The following TMOD1 variants were observed in gnomAD, a reference collection of about 807,000 sequenced individuals.
The protein encoded by TMOD1 is tropomodulin-1.
A neutral mutation model predicts 40.6 loss-of-function variants in TMOD1; 17 were observed. That is an observed-to-expected ratio of 0.42 (90% confidence interval 0.29 to 0.63). The LOEUF (loss-of-function observed/expected upper bound fraction) is 0.63. Ranked by LOEUF, TMOD1 falls within the 20% of genes least tolerant of loss-of-function variation. The probability of loss-of-function intolerance (pLI) is 0.22; values close to 1 mark genes in which losing one functional copy is unlikely to be tolerated. For missense variants in TMOD1, 391 were observed against 447.6 expected (o/e 0.87, Z 1.14); for synonymous variants, 181 against 175.0 (o/e 1.03, Z -0.27).
At chr9:97,524,040 C>A in intron 1 of TMOD1, 101 bp from the exon 2 acceptor site, 2 of 809,782 alleles carry the variant, frequency 2.5e-6, no homozygotes, top group Non-Finnish European at 3.8e-6. Context: ...CCTGGCAATT[C>A]ATAAAATGTA....
intron 8 of TMOD1, among the ~76,000 whole-genome samples, chr9:97,582,427 G>A (rs554441547): frequency 1.3e-5 from 2 of 148,298 alleles, no homozygotes; most frequent in South Asian, 4.3e-4. Context: ...TTGAAGTCAG[G>A]TAGTGTGATG....
Position 97,553,303 on chromosome 9 carries a change from G to A in TMOD1, c.300G>A (p.Gln100=), listed in dbSNP as rs748507272. 5.6e-6 allele frequency: 9 copies of A among 1,614,188 alleles called. No individual in the cohort carries two copies. In the East Asian group the frequency reaches 2.0e-4, roughly 36 times the overall value. ...CAGGAAAGGTCTGGGTTCCTAAGCA[G>A]AAGCCACTGGATCCTGTGCTGGAAA... ...EKRGKVWVPK[Q]KPLDPVLESV... Residue 100 remains glutamine, a synonymous_variant, in exon 4 of 10, where the codon CAG becomes CAA. Coordinates refer to ENST00000259365, the MANE Select transcript of TMOD1 (RefSeq NM_003275.4).
intron 2 of TMOD1, 94 bp downstream of exon 2, chr9:97,524,402 C>T (rs1829967366): frequency 4.1e-6 from 6 of 1,456,202 alleles, no homozygotes; most frequent in Non-Finnish European, 3.7e-6. Flanking sequence ...TTCCTTTTTC[C>T]TTCCATGGCA....
At chr9:97,588,174 CTG>C (rs1563999920) in intron 8 of TMOD1, among the ~76,000 whole-genome samples, 1 of 152,212 alleles carries the variant, frequency 6.6e-6, no homozygotes, top group African/African-American at 2.4e-5. Flanking sequence ...AACTGACAAA[CTG>C]TCTTTCAAAG....
At chr9:97,568,732 C>A (rs559050147) in intron 7 of TMOD1, among the ~76,000 whole-genome samples, 162 bp from the exon 8 acceptor site, 1 of 152,084 alleles carries the variant, frequency 6.6e-6, no homozygotes, top group African/African-American at 2.4e-5. Flanking sequence ...GGAGCCATGG[C>A]GGGTTGCAGG....
intron 7 of TMOD1, among the ~76,000 whole-genome samples, chr9:97,567,512 A>C (rs1309796111): frequency 6.6e-6 from 1 of 152,236 alleles, no homozygotes; most frequent in South Asian, 2.1e-4. Flanking sequence ...ACCTGGCAAG[A>C]CAGGGCCTCC....
At chr9:97,564,558 C>CG (rs1249199603) in intron 6 of TMOD1, among the ~76,000 whole-genome samples, 1 of 152,170 alleles carries the variant, frequency 6.6e-6, no homozygotes, top group African/African-American at 2.4e-5. Flanking sequence ...CCACTAGGCT[C>CG]GGGGGTAACA....
intron 8 of TMOD1, among the ~76,000 whole-genome samples, chr9:97,574,467 G>A (rs991741015): frequency 6.6e-6 from 1 of 152,214 alleles, no homozygotes; most frequent in African/African-American, 2.4e-5. Context: ...CCCACGCCGT[G>A]GTCTCCTGAG....
chr9:97,558,941 T>G (rs1233497435), intron 4 of TMOD1, among the ~76,000 whole-genome samples: 2 of 152,160 alleles, frequency 1.3e-5, no homozygotes, highest in Non-Finnish European at 2.9e-5. Context: ...CAGCCTGAAA[T>G]GCAGGTCTGC....
chr9:97,588,632 TA>T (rs1825931471), intron 8 of TMOD1, among the ~76,000 whole-genome samples: 2 of 152,166 alleles, frequency 1.3e-5, no homozygotes, highest in African/African-American at 4.8e-5. Context: ...TTGATTCTTT[TA>T]ATCAATTTGG....
chr9:97,597,696 CA>C (rs56273168), intron 9 of TMOD1, among the ~76,000 whole-genome samples: 48 of 70,000 alleles, frequency 6.9e-4, no homozygotes, highest in African/African-American at 2.1e-3. Flanking sequence ...GACTCCGTCT[CA>C]AAAAAAAAAA....
chr9:97,598,180 T>C (rs1400906725), intron 9 of TMOD1, among the ~76,000 whole-genome samples: 1 of 151,822 alleles, frequency 6.6e-6, no homozygotes, highest in Non-Finnish European at 1.5e-5. Context: ...AACACAAAAA[T>C]TAGCCGGGTG....
intron 5 of TMOD1, 117 bp from the exon 6 acceptor site, chr9:97,563,921 A>C: frequency 2.8e-6 from 3 of 1,087,574 alleles, no homozygotes; most frequent in Admixed American, 2.5e-5. Flanking sequence ...AGCCCCTGTG[A>C]TGTGCAGCCC....
In TMOD1 at chr9:97,502,433, C is replaced by A. The variant is rs1053144991; in HGVS notation, c.-49+630C>A. Reference sequence around the variant, plus strand: ...AGTGGAGCTGGAAAGAGCTTGGAGGCGGGAGCCCCAGGTTGTCGCCGGCTC... The same window carrying A: ...AGTGGAGCTGGAAAGAGCTTGGAGGAGGGAGCCCCAGGTTGTCGCCGGCTC... On this transcript the variant is annotated intron_variant, in intron 1 of 9. Transcript: ENST00000259365. The surrounding 1 kb of genome is among the most constrained non-coding windows in gnomAD (Gnocchi z 6.1). Among the ~76,000 whole-genome samples the A allele has an allele frequency of 6.6e-6, 1 of 152,216 alleles. No homozygotes were observed. The highest frequency in any genetic ancestry group is 2.4e-5 in the African/African-American group (1 of 41,476).
chr9:97,548,307 A>G lies in TMOD1; in HGVS notation c.277+1966A>G, dbSNP rs543906968. Among the ~76,000 whole-genome samples the G allele has an allele frequency of 4.6e-5, 7 of 152,326 alleles. No homozygotes were observed. In the South Asian group the frequency reaches 1.2e-3, roughly 27 times the overall value. ...ACGCACATGGGGGTAGACATTGTGC[A>G]GAGGACTTCAAACCATTCCAAATCC... On this transcript the variant is annotated intron_variant, in intron 3 of 9. Transcript: ENST00000259365.
intron 3 of TMOD1, among the ~76,000 whole-genome samples, chr9:97,548,920 G>GCTCTGACTGGA (rs1830408394): frequency 6.6e-6 from 1 of 152,174 alleles, no homozygotes; most frequent in African/African-American, 2.4e-5. Context: ...GGCAGGCTCA[G>GCTCTGACTGGA]GGCCATTCAC....
chr9:97,587,567 GTTTT>G (rs34845154), intron 8 of TMOD1, among the ~76,000 whole-genome samples: 24,441 of 149,764 alleles, frequency 0.16, 2,237 homozygotes, highest in Middle Eastern at 0.35. Flanking sequence ...CTAATTGTTT[GTTTT>G]TTTTTTACTG....
chr9:97,588,355 C>T (rs1280383939), intron 8 of TMOD1, among the ~76,000 whole-genome samples: 2 of 152,130 alleles, frequency 1.3e-5, no homozygotes. Context: ...TAATGATGAG[C>T]ACTTTTTCAT....
Position 97,522,037 on chromosome 9 carries a change from G to C in TMOD1, c.-48-2104G>C, listed in dbSNP as rs72751510. ...ATCATCATTTCACAGATGAGCCACG[G>C]GTGGGTTGGTTGGTTGGCTTGCATG... is the stretch of plus-strand genomic sequence containing the variant. On this transcript the variant is annotated intron_variant, in intron 1 of 9. Coordinates refer to ENST00000259365, the MANE Select transcript of TMOD1 (RefSeq NM_003275.4). Among the ~76,000 whole-genome samples, 181 of 152,288 alleles carry C rather than the reference G, an allele frequency of 1.2e-3. 1 individual carries two copies. The highest frequency in any genetic ancestry group is 3.4e-3 in the Middle Eastern group (1 of 294).
Sources: allele counts gnomAD v4.1 joint callset (sites outside exome capture counted in the v4.1 genomes callset), GRCh38; gene constraint gnomAD v4.1.1; non-coding constraint Gnocchi (gnomAD v3.1); transcripts MANE v1.5; gene names NCBI Gene and HGNC (gene_info 2026-07-23, HGNC 2026-07-21).